Variants in PRMT3 observed in about 807,000 individuals in gnomAD.
PRMT3 encodes the protein protein arginine N-methyltransferase 3.
In PRMT3, 62 loss-of-function variants were observed where a neutral mutation model predicts 71.9. The ratio of observed to expected loss-of-function variants is 0.86; its 90% CI spans 0.70 to 1.07. The LOEUF (loss-of-function observed/expected upper bound fraction) is 1.07. PRMT3 is among the 50% of genes least tolerant of loss of function. PRMT3 has a pLI of 0.00. For synonymous variants in PRMT3, 213 were observed against 220.4 expected, an observed-to-expected ratio of 0.97 and a Z score of 0.30; for missense variants, 663 against 643.0, an observed-to-expected ratio of 1.03 and a Z score of -0.34.
At position 20,508,596 on chromosome 11, in the gene PRMT3, G is replaced by C. The variant is rs990279952; in HGVS notation, c.*183G>C. 4.3e-6 allele frequency: 3 copies of C among 692,078 alleles called. No individual in the cohort carries two copies. The highest frequency in any genetic ancestry group is 1.8e-5 in the African/African-American group (1 of 56,900). The allele number at this position is 692,078 out of a possible 1,614,324, so 42.9% of individuals were successfully genotyped here. Reference sequence around the variant, plus strand: ...ATAGTTCAGCTGAGGAAGAGAATCAGCTGATCCTCATGGTCTGCCACGTAA... The same window carrying C: ...ATAGTTCAGCTGAGGAAGAGAATCACCTGATCCTCATGGTCTGCCACGTAA... On this transcript the variant is annotated 3_prime_UTR_variant, in exon 16 of 16. Transcript: ENST00000331079.
chr11:20,470,174 T>C (rs1420333107), intron 13 of PRMT3, among the ~76,000 whole-genome samples: 1 of 152,188 alleles, frequency 6.6e-6, no homozygotes, highest in Non-Finnish European at 1.5e-5. Flanking sequence ...CTATAGGCAA[T>C]GACAACACAA....
At chr11:20,395,055 C>CT (rs1329437442) in intron 5 of PRMT3, among the ~76,000 whole-genome samples, 1 of 152,158 alleles carries the variant, frequency 6.6e-6, no homozygotes, top group Non-Finnish European at 1.5e-5. Flanking sequence ...AGGATAGTCA[C>CT]TTAATTTCTC....
rs183888495 is a variant in PRMT3, at chr11:20,401,469, A to C, written c.706-1450A>C. On this transcript the variant is annotated intron_variant, in intron 7 of 15. Transcript: ENST00000331079. ...AGAAATAATCAGAAAACATGGAATT[A>C]ATTATGGACAATTCCCTTTTTAGGT... Among the ~76,000 whole-genome samples, 560 of 152,252 alleles carry C rather than the reference A, an allele frequency of 3.7e-3. 5 individuals are homozygous for C. The highest frequency in any genetic ancestry group is 3.0e-3 in the Non-Finnish European group (201 of 68,010).
intron 13 of PRMT3, among the ~76,000 whole-genome samples, chr11:20,471,766 C>A (rs1850650505): frequency 6.6e-6 from 1 of 152,124 alleles, no homozygotes; most frequent in African/African-American, 2.4e-5. Context: ...ATGGGAATAG[C>A]ATTGAATCTA....
intron 13 of PRMT3, 81 bp from the exon 14 acceptor site, chr11:20,493,838 C>A: frequency 2.2e-6 from 2 of 922,152 alleles, no homozygotes; most frequent in African/African-American, 1.7e-5. Flanking sequence ...TATCATTTGC[C>A]ATGTCTTAAG....
At chr11:20,415,297 C>T (rs1849280747) in intron 9 of PRMT3, among the ~76,000 whole-genome samples, 1 of 152,096 alleles carries the variant, frequency 6.6e-6, no homozygotes, top group Non-Finnish European at 1.5e-5. Flanking sequence ...ATTTATTTCC[C>T]TTCCTAGTAT....
In PRMT3 at chr11:20,494,068, T is replaced by C. The variant is rs1014395538; in HGVS notation, c.1398+99T>C. 6 of 1,444,386 alleles carry C rather than the reference T, an allele frequency of 4.2e-6. No individual in the cohort carries two copies. In the African/African-American group the frequency reaches 8.5e-5, roughly 20 times the overall value. The allele number at this position is 1,444,386 out of a possible 1,614,324, so 89.5% of individuals were successfully genotyped here. On this transcript the variant is annotated intron_variant, in intron 14 of 15. Transcript: ENST00000331079. Reference sequence around the variant, plus strand: ...TGTTTAATCATAAGCATTTTGCTGCTGTAAGCAATTGGGGCTTGTGTTTGA... The same window carrying C: ...TGTTTAATCATAAGCATTTTGCTGCCGTAAGCAATTGGGGCTTGTGTTTGA...
At chr11:20,475,841 ATGTATTT>A (rs1404281655) in intron 13 of PRMT3, among the ~76,000 whole-genome samples, 1 of 151,280 alleles carries the variant, frequency 6.6e-6, no homozygotes, top group African/African-American at 2.4e-5. Context: ...TTTAGTAGAG[ATGTATTT>A]TGTATTTAGT....
chr11:20,502,548 A>G (rs975969749), intron 15 of PRMT3, among the ~76,000 whole-genome samples: 10 of 152,216 alleles, frequency 6.6e-5, no homozygotes, highest in African/African-American at 2.4e-4. Flanking sequence ...TGAAAAATTA[A>G]CAAATATCCA....
chr11:20,508,201 T>C, intron 15 of PRMT3, 103 bp from the exon 16 acceptor site: 1 of 536,764 alleles, frequency 1.9e-6, no homozygotes, highest in Admixed American at 3.5e-5. Flanking sequence ...GTTTAAAAAG[T>C]GGGAAAACAT....
At chr11:20,406,654 G>A (rs1406370723) in intron 8 of PRMT3, 1 of 152,100 alleles carries the variant, frequency 6.6e-6, no homozygotes, top group Non-Finnish European at 1.5e-5. Flanking sequence ...ATTCTTTTGG[G>A]TATATACCCA....
intron 8 of PRMT3, among the ~76,000 whole-genome samples, chr11:20,404,400 A>T (rs557935876): frequency 5.3e-5 from 8 of 151,320 alleles, no homozygotes; most frequent in Admixed American, 3.3e-4. Flanking sequence ...CGCCCAGCTA[A>T]TTTTTGTATT....
In PRMT3 at chr11:20,484,304, T is replaced by C. The variant is rs188961228; in HGVS notation, c.1348-9615T>C. Among the ~76,000 whole-genome samples, 5 of 152,322 alleles carry C rather than the reference T, an allele frequency of 3.3e-5. No individual in the cohort carries two copies. In the East Asian group the frequency reaches 9.6e-4, roughly 29 times the overall value. On this transcript the variant is annotated intron_variant, in intron 13 of 15. Coordinates refer to ENST00000331079, the MANE Select transcript of PRMT3 (RefSeq NM_005788.4). ...GTGCAGGAACATTTTATGGATGTATTATACCCTACTCTGGGATTAAAGAAG... is the reference window on the plus strand; with the variant it reads ...GTGCAGGAACATTTTATGGATGTATCATACCCTACTCTGGGATTAAAGAAG...
At chr11:20,388,655 T>C (rs1848648989) in intron 2 of PRMT3, among the ~76,000 whole-genome samples, 1 of 152,246 alleles carries the variant, frequency 6.6e-6, no homozygotes, top group African/African-American at 2.4e-5. Context: ...GTGAAACATT[T>C]CTTTTTTATT....
chr11:20,407,771 G>A (rs1044665491), intron 8 of PRMT3, 140 bp from the exon 9 acceptor site: 3 of 783,538 alleles, frequency 3.8e-6, no homozygotes, highest in Non-Finnish European at 5.7e-6. Flanking sequence ...TTACAGGCGT[G>A]AGCCACCGCG....
In PRMT3 at chr11:20,438,604, T is replaced by G. The variant is rs1849815437; in HGVS notation, c.993+11739T>G. On this transcript the variant is annotated intron_variant, in intron 10 of 15. Transcript: ENST00000331079. Reference sequence around the variant, plus strand: ...CTGGGATGCAGCATACTGCATCAGCTCAGCCCTGGGATGCACAGATGCTTA... The same window carrying G: ...CTGGGATGCAGCATACTGCATCAGCGCAGCCCTGGGATGCACAGATGCTTA... 2.0e-5 allele frequency among the ~76,000 whole-genome samples: 3 copies of G among 152,142 alleles called. No homozygotes were observed. The South Asian group carries it at 6.2e-4, about 32-fold the overall frequency.
chr11:20,504,707 T>TGTGTGTGAGAGAGAGAGAGAGAGAGA (rs1332372470), intron 15 of PRMT3, among the ~76,000 whole-genome samples: 1 of 133,646 alleles, frequency 7.5e-6, no homozygotes, highest in African/African-American at 3.0e-5. Context: ...TGTGTGTGTG[T>TGTGTGTGAGAGAGAGAGAGAGAGAGA]GAGAGAGAGA....
chr11:20,426,812 G>T lies in PRMT3; in HGVS notation c.940G>T (p.Glu314Ter), dbSNP rs777541316. The T allele has an allele frequency of 1.3e-6, 2 of 1,525,582 alleles. No homozygotes were observed. The highest frequency in any genetic ancestry group is 2.7e-5 in the South Asian group (2 of 74,486). The allele number at this position is 1,525,582 out of a possible 1,614,324, so 94.5% of individuals were successfully genotyped here. Residue 314 changes from glutamate (E) to a stop codon, truncating the protein, a stop_gained, in exon 10 of 16, where the codon GAA (glutamate) becomes TAA (stop). Coordinates refer to ENST00000331079, the MANE Select transcript of PRMT3 (RefSeq NM_005788.4). LOFTEE classifies it high-confidence loss of function. ...TATTACACTAATTAAAGGAAAGATTGAAGAAGTTCATCTTCCTGTAGAAAA... is the reference window on the plus strand; with the variant it reads ...TATTACACTAATTAAAGGAAAGATTTAAGAAGTTCATCTTCCTGTAGAAAA... ...DTITLIKGKI[E>*]EVHLPVEKVD...
At chr11:20,449,100 C>T (rs1344436212) in intron 10 of PRMT3, among the ~76,000 whole-genome samples, 1 of 152,092 alleles carries the variant, frequency 6.6e-6, no homozygotes, top group Non-Finnish European at 1.5e-5. Context: ...TGAAGTTTAG[C>T]AAAGTGGAAA....
Sources: allele counts gnomAD v4.1 joint callset (sites outside exome capture counted in the v4.1 genomes callset), GRCh38; gene constraint gnomAD v4.1.1; transcripts MANE v1.5; gene names NCBI Gene and HGNC (gene_info 2026-07-23, HGNC 2026-07-21).